Variants in MACROD2 observed in about 807,000 individuals in gnomAD.
MACROD2 encodes mono-ADP ribosylhydrolase 2, also known as ADP-ribose glycohydrolase MACROD2.
In MACROD2, 36 loss-of-function variants were observed where a neutral mutation model predicts 70.4. The observed-to-expected ratio is 0.51, with a 90% CI of 0.39 to 0.68. The LOEUF is 0.68. MACROD2 is among the 30% of genes least tolerant of loss of function. The pLI, the probability that MACROD2 is intolerant of heterozygous loss-of-function variation, is 0.00. For synonymous variants in MACROD2, 172 were observed against 178.8 expected, an observed-to-expected ratio of 0.96 and a Z score of 0.30; for missense variants, 496 against 538.4, an observed-to-expected ratio of 0.92 and a Z score of 0.78.
At position 15,051,989 on chromosome 20, in the gene MACROD2, G is replaced by T. The variant is rs116228812; in HGVS notation, c.419-177951G>T. ...GATGGTCTCGACCTTTTGACCTTGT[G>T]ATCCGCCCGTCCCGGCCTTCCAAAG... is the stretch of plus-strand genomic sequence containing the variant. On this transcript the variant is annotated intron_variant, in intron 5 of 17. Transcript: ENST00000684519. Among the ~76,000 whole-genome samples, 142 of 152,246 alleles carry T rather than the reference G, an allele frequency of 9.3e-4. 1 individual carries two copies. Among genetic ancestry groups the T allele is most frequent in the African/African-American group, 3.3e-3 (138 of 41,540 alleles).
At chr20:14,254,996 T>C (rs933616394) in intron 3 of MACROD2, among the ~76,000 whole-genome samples, 3 of 152,126 alleles carry the variant, frequency 2.0e-5, no homozygotes, top group Admixed American at 6.6e-5. Context: ...TCTCCTTCAC[T>C]TATGAAGCTT....
At chr20:14,771,668 CACATATATAT>C (rs1483139466) in intron 5 of MACROD2, among the ~76,000 whole-genome samples, 2 of 125,220 alleles carry the variant, frequency 1.6e-5, no homozygotes, top group African/African-American at 5.8e-5. Flanking sequence ...CACACACACA[CACATATATAT>C]ATATATTTAA....
At chr20:14,663,342 G>A (rs1986323721) in intron 4 of MACROD2, among the ~76,000 whole-genome samples, 2 of 151,826 alleles carry the variant, frequency 1.3e-5, no homozygotes, top group Non-Finnish European at 2.9e-5. Flanking sequence ...GTGGAGGGTG[G>A]GAGGAGGGAA....
chr20:14,170,293 G>A (rs1047987773), intron 3 of MACROD2, among the ~76,000 whole-genome samples: 1 of 152,168 alleles, frequency 6.6e-6, no homozygotes. Flanking sequence ...TCAGCAAACA[G>A]CGACAGTTTG....
intron 5 of MACROD2, among the ~76,000 whole-genome samples, chr20:15,084,059 GT>G (rs5840650): frequency 5.4e-5 from 6 of 110,586 alleles, no homozygotes; most frequent in East Asian, 5.4e-4. Flanking sequence ...GCAACACTAG[GT>G]TTTTTTTTTT....
At chr20:15,535,549 G>C (rs2047863043) in intron 8 of MACROD2, among the ~76,000 whole-genome samples, 1 of 152,186 alleles carries the variant, frequency 6.6e-6, no homozygotes. Flanking sequence ...TCAAAGAATA[G>C]GGTAATTCCC....
At chr20:15,924,047 C>T (rs749179773) in intron 10 of MACROD2, among the ~76,000 whole-genome samples, 1 of 152,176 alleles carries the variant, frequency 6.6e-6, no homozygotes, top group Non-Finnish European at 1.5e-5. Context: ...GGCAAGAGCA[C>T]ATTTTTGGAA....
At position 15,951,352 on chromosome 20, in the gene MACROD2, A is replaced by ACACACACAG. The variant is rs1414285468; in HGVS notation, c.907+13808_907+13809insCACACACAG. On this transcript the variant is annotated intron_variant, in intron 12 of 17. Coordinates refer to ENST00000684519, the MANE Select transcript of MACROD2 (RefSeq NM_001351661.2). ...ACACACACACACACACACACACACA[A>ACACACACAG]AGAGAGAGAGAGAGAGAAAGAGCAC... Among the ~76,000 whole-genome samples, 3 of 91,878 alleles carry ACACACACAG rather than the reference A, an allele frequency of 3.3e-5. 1 individual carries two copies. The highest frequency in any genetic ancestry group is 7.8e-5 in the Non-Finnish European group (3 of 38,624). 60.3% of individuals were successfully genotyped at this position (91,878 alleles called of 152,430 possible).
In MACROD2 at chr20:15,310,862, C is replaced by T. The variant is rs548070161; in HGVS notation, c.540+80801C>T. Among the ~76,000 whole-genome samples the T allele has an allele frequency of 3.9e-4, 59 of 152,202 alleles. 1 individual carries two copies. The South Asian group carries it at 0.012, about 31-fold the overall frequency. ...AGATCAACTATGGCTAGCCCGTTTG[C>T]ACTATATCCCAAAGGAACCCATATG... On this transcript the variant is annotated intron_variant, in intron 6 of 17. Transcript: ENST00000684519.
Position 14,849,516 on chromosome 20 carries a change from CA to C in MACROD2, c.418+164558del, listed in dbSNP as rs533568946. Among the ~76,000 whole-genome samples the C allele has an allele frequency of 2.0e-4, 30 of 152,252 alleles. No individual in the cohort carries two copies. In the East Asian group the frequency reaches 5.8e-3, roughly 29 times the overall value. ...CCTCTCTCAGCCAGGCACAGTGGCT[CA>C]TGCCTGTAATCCTAGCACTTTGGGA... On this transcript the variant is annotated intron_variant, in intron 5 of 17. Coordinates refer to ENST00000684519, the MANE Select transcript of MACROD2 (RefSeq NM_001351661.2).
At chr20:14,820,357 C>CTTTTTTTTTTTTTTTTTTT (rs11475238) in intron 5 of MACROD2, among the ~76,000 whole-genome samples, 2 of 116,136 alleles carry the variant, frequency 1.7e-5, no homozygotes, top group Non-Finnish European at 1.8e-5. Flanking sequence ...ATTTTTCTTC[C>CTTTTTTTTTTTTTTTTTTT]TTTTTTTTTT....
chr20:15,217,143 AT>A (rs1237823718), intron 5 of MACROD2, among the ~76,000 whole-genome samples: 1 of 152,188 alleles, frequency 6.6e-6, no homozygotes, highest in Non-Finnish European at 1.5e-5. Flanking sequence ...AACCAGTAAT[AT>A]GTCAGTTCTG....
At chr20:14,007,949 A>G (rs369461610) in intron 2 of MACROD2, among the ~76,000 whole-genome samples, 1 of 152,240 alleles carries the variant, frequency 6.6e-6, no homozygotes, top group Non-Finnish European at 1.5e-5. Context: ...TTATAAAATT[A>G]TCTTATACTC....
intron 6 of MACROD2, among the ~76,000 whole-genome samples, chr20:15,387,610 A>C (rs2045734532): frequency 6.7e-6 from 1 of 149,050 alleles, no homozygotes; most frequent in Non-Finnish European, 1.5e-5. Flanking sequence ...CTTTTGTTCC[A>C]CCCTCTACAC....
At chr20:14,167,898 A>G (rs2081185680) in intron 3 of MACROD2, among the ~76,000 whole-genome samples, 2 of 152,202 alleles carry the variant, frequency 1.3e-5, no homozygotes. Flanking sequence ...CCAGTATAGT[A>G]CTGTATAAAG....
intron 8 of MACROD2, among the ~76,000 whole-genome samples, chr20:15,676,661 TGTGA>T (rs1289343512): frequency 6.6e-6 from 1 of 152,240 alleles, no homozygotes; most frequent in Non-Finnish European, 1.5e-5. Flanking sequence ...CTGTATTAGC[TGTGA>T]GTATTCCATG....
At chr20:15,280,854 A>T (rs2077437703) in intron 6 of MACROD2, 1 of 152,366 alleles carries the variant, frequency 6.6e-6, no homozygotes, top group South Asian at 2.1e-4. Context: ...GGGCACATTT[A>T]GGGTGGCATG....
At chr20:15,389,333 T>TGTGAAGAAGGAGAAGGAAGA (rs1486481091) in intron 6 of MACROD2, among the ~76,000 whole-genome samples, 7 of 151,974 alleles carry the variant, frequency 4.6e-5, no homozygotes, top group African/African-American at 1.5e-4. Context: ...TGATCCTATG[T>TGTGAAGAAGGAGAAGGAAGA]GTGAAGAAGG....
intron 4 of MACROD2, among the ~76,000 whole-genome samples, chr20:14,556,010 A>G (rs1391898041): frequency 1.3e-5 from 2 of 152,054 alleles, no homozygotes; most frequent in South Asian, 2.1e-4. Context: ...ACTTAACCAT[A>G]TAATTATTTT....
Sources: allele counts gnomAD v4.1 joint callset (sites outside exome capture counted in the v4.1 genomes callset), GRCh38; gene constraint gnomAD v4.1.1; transcripts MANE v1.5; gene names NCBI Gene and HGNC (gene_info 2026-07-23, HGNC 2026-07-21).